AKAP19: variants seen among roughly 807,000 people sequenced by gnomAD.
The protein encoded by AKAP19 is small A-kinase anchoring protein.
chr2:189,952,564 A>AT, the AKAP19 span, among the ~76,000 whole-genome samples: 1 of 152,198 alleles, frequency 6.6e-6, no homozygotes, highest in African/African-American at 2.4e-5. Context: ...TATGAGAACA[A>AT]TATTTATAAA....
chr2:190,038,339 T>C, the AKAP19 span, among the ~76,000 whole-genome samples: 1 of 152,312 alleles, frequency 6.6e-6, no homozygotes, highest in South Asian at 2.1e-4. Context: ...TACCTGGTGG[T>C]TCTTAGATAC....
At chr2:190,095,860 G>GAACTT in the AKAP19 span, among the ~76,000 whole-genome samples, 1 of 152,172 alleles carries the variant, frequency 6.6e-6, no homozygotes, top group Admixed American at 6.5e-5. Context: ...TCTGATGATG[G>GAACTT]AACTTGTAAG....
chr2:190,083,676 G>C, the AKAP19 span, among the ~76,000 whole-genome samples: 1 of 147,986 alleles, frequency 6.8e-6, no homozygotes, highest in African/African-American at 2.5e-5. Context: ...TGTCCATCAT[G>C]CAACATTGTT....
At chr2:190,162,083 G>T in the AKAP19 span, among the ~76,000 whole-genome samples, 1 of 151,954 alleles carries the variant, frequency 6.6e-6, no homozygotes, top group South Asian at 2.1e-4. Context: ...GAATACCTCT[G>T]GATTAAGATG....
chr2:190,018,457 CATTGT>C, the AKAP19 span, among the ~76,000 whole-genome samples: 2 of 151,872 alleles, frequency 1.3e-5, no homozygotes, highest in African/African-American at 4.8e-5. Flanking sequence ...TTAGTTCAGT[CATTGT>C]ATTCAGCTCA....
chr2:190,186,100 T>C, the AKAP19 span, among the ~76,000 whole-genome samples: 117 of 152,058 alleles, frequency 7.7e-4, no homozygotes, highest in Middle Eastern at 3.4e-3. The surrounding 1 kb of genome is among the most constrained non-coding windows in gnomAD (Gnocchi z 5.5). Flanking sequence ...TACAGGCATA[T>C]GCCACCACAC....
At chr2:190,173,120 A>AAAAT in the AKAP19 span, among the ~76,000 whole-genome samples, 2 of 151,586 alleles carry the variant, frequency 1.3e-5, no homozygotes, top group Non-Finnish European at 2.9e-5. Flanking sequence ...ATCTCAAAAA[A>AAAAT]AATAAAATAA....
the AKAP19 span, among the ~76,000 whole-genome samples, chr2:189,975,240 A>C: frequency 6.6e-6 from 1 of 152,114 alleles, no homozygotes; most frequent in Admixed American, 6.5e-5. Context: ...TCACTTATGA[A>C]GCTTAGTTTG....
At chr2:189,989,880 G>T in the AKAP19 span, among the ~76,000 whole-genome samples, 2 of 151,352 alleles carry the variant, frequency 1.3e-5, no homozygotes, top group African/African-American at 4.9e-5. Flanking sequence ...AAATTAGAGA[G>T]ACATTCTGAG....
chr2:190,071,072 C>T, the AKAP19 span, among the ~76,000 whole-genome samples: 3 of 152,104 alleles, frequency 2.0e-5, no homozygotes, highest in Non-Finnish European at 2.9e-5. Flanking sequence ...GAGTGTGGGC[C>T]TAGGCTAGTG....
chr2:189,959,083 A>T, the AKAP19 span, among the ~76,000 whole-genome samples: 1 of 152,062 alleles, frequency 6.6e-6, no homozygotes, highest in Non-Finnish European at 1.5e-5. Flanking sequence ...TTTTTCTTAA[A>T]CTGGGTGATG....
At chr2:190,174,493 T>C in the AKAP19 span, among the ~76,000 whole-genome samples, 1 of 152,204 alleles carries the variant, frequency 6.6e-6, no homozygotes, top group Non-Finnish European at 1.5e-5. Flanking sequence ...TCAAGGTATA[T>C]TAGTCAAATA....
the AKAP19 span, among the ~76,000 whole-genome samples, chr2:190,110,233 A>C: frequency 6.6e-6 from 1 of 152,202 alleles, no homozygotes; most frequent in Non-Finnish European, 1.5e-5. Flanking sequence ...TAGCCAAGGA[A>C]TGTAAAACTA....
At chr2:190,083,928 C>A in the AKAP19 span, among the ~76,000 whole-genome samples, 3 of 152,122 alleles carry the variant, frequency 2.0e-5, no homozygotes. Context: ...AGTTACGGAT[C>A]TTGACTTCAA....
the AKAP19 span, among the ~76,000 whole-genome samples, chr2:190,028,491 A>G: frequency 2.0e-5 from 3 of 152,126 alleles, no homozygotes; most frequent in African/African-American, 7.2e-5. Context: ...AATTTTGGTA[A>G]GATCTTTGCA....
the AKAP19 span, among the ~76,000 whole-genome samples, chr2:189,919,598 G>C: frequency 6.6e-6 from 1 of 151,866 alleles, no homozygotes; most frequent in African/African-American, 2.4e-5. Context: ...GTGTCCATGT[G>C]TTCTCAATGT....
At chr2:189,904,389 C>T in the AKAP19 span, among the ~76,000 whole-genome samples, 1 of 152,004 alleles carries the variant, frequency 6.6e-6, no homozygotes, top group Non-Finnish European at 1.5e-5. Context: ...ACCATGCCAG[C>T]ATTATACACA....
the AKAP19 span, among the ~76,000 whole-genome samples, chr2:190,149,121 A>T: frequency 6.6e-6 from 1 of 151,426 alleles, no homozygotes; most frequent in South Asian, 2.1e-4. Context: ...GTGCCACCAC[A>T]CCTGGCTAAT....
At chr2:189,940,930 G>C in the AKAP19 span, among the ~76,000 whole-genome samples, 3 of 152,150 alleles carry the variant, frequency 2.0e-5, no homozygotes, top group Non-Finnish European at 4.4e-5. Flanking sequence ...TACCAAATTT[G>C]TTCCAAATCA....
Sources: gnomAD v4.1 joint callset for allele counts (sites outside exome capture counted in the v4.1 genomes callset) on GRCh38, gnomAD v4.1.1 for gene constraint, Gnocchi (gnomAD v3.1) non-coding constraint, MANE v1.5 for transcripts, NCBI Gene and HGNC (gene_info 2026-07-23, HGNC 2026-07-21) for gene names.